The following TUFT1 variants were observed in gnomAD, a reference collection of about 807,000 sequenced individuals.
TUFT1 encodes the protein tuftelin.
A neutral mutation model predicts 57.8 loss-of-function variants in TUFT1; 43 were observed. The ratio of observed to expected loss-of-function variants is 0.74; its 90% CI spans 0.58 to 0.96. TUFT1 has a LOEUF of 0.96. TUFT1 is among the 40% of genes least tolerant of loss of function. The pLI, the probability that TUFT1 is intolerant of heterozygous loss-of-function variation, is 0.00. For synonymous variants in TUFT1, 166 were observed against 176.7 expected (o/e 0.94, Z 0.48); for missense variants, 459 against 489.0 (o/e 0.94, Z 0.58).
At chr1:151,559,196 C>T (rs1031204124) in intron 1 of TUFT1, among the ~76,000 whole-genome samples, 14 of 152,146 alleles carry the variant, frequency 9.2e-5, no homozygotes, top group African/African-American at 3.1e-4. Context: ...ATTTTCTTGA[C>T]CTAGATGTCA....
chr1:151,558,563 C>A (rs1219007455), intron 1 of TUFT1, among the ~76,000 whole-genome samples: 1 of 151,942 alleles, frequency 6.6e-6, no homozygotes, highest in Non-Finnish European at 1.5e-5. Flanking sequence ...TCAACTGACC[C>A]TCTTTCTCCT....
intron 6 of TUFT1, among the ~76,000 whole-genome samples, chr1:151,566,940 TGACA>T (rs1236713444): frequency 6.6e-6 from 1 of 152,166 alleles, no homozygotes; most frequent in Non-Finnish European, 1.5e-5. Context: ...ATTGACTGAC[TGACA>T]GAGTCTCACC....
At position 151,548,500 on chromosome 1, in the gene TUFT1, A is replaced by G. The variant is rs1665414720; in HGVS notation, c.60+8074A>G. ...GTATTTTTAGTAGAGATGGGGTTTC[A>G]TCCTGTTGGCCAGGATGATCTCAAT... On this transcript the variant is annotated intron_variant, in intron 1 of 12. Transcript: ENST00000368849. Among the ~76,000 whole-genome samples, 3 of 151,980 alleles carry G rather than the reference A, an allele frequency of 2.0e-5. No homozygotes were observed. The South Asian group carries it at 6.2e-4, about 31-fold the overall frequency.
At chr1:151,551,443 A>G (rs1475727049) in intron 1 of TUFT1, among the ~76,000 whole-genome samples, 1 of 152,222 alleles carries the variant, frequency 6.6e-6, no homozygotes, top group East Asian at 1.9e-4. Context: ...TTGTTACAAA[A>G]GAATGGGCTC....
intron 7 of TUFT1, among the ~76,000 whole-genome samples, chr1:151,572,995 T>C (rs1320445642): frequency 6.6e-6 from 1 of 152,186 alleles, no homozygotes; most frequent in Non-Finnish European, 1.5e-5. Flanking sequence ...GATGGTGAAG[T>C]ATCTGGGTGC....
chr1:151,545,799 T>C, intron 1 of TUFT1: 1 of 531,410 alleles, frequency 1.9e-6, no homozygotes, highest in Non-Finnish European at 3.9e-6. Flanking sequence ...GGTGAAGACC[T>C]GAGTAACCTT....
At chr1:151,543,009 T>C (rs1665214873) in intron 1 of TUFT1, among the ~76,000 whole-genome samples, 2 of 152,192 alleles carry the variant, frequency 1.3e-5, no homozygotes, top group South Asian at 4.1e-4. Context: ...ACAGTTGAAC[T>C]GATTAGAGAT....
intron 7 of TUFT1, 22 bp from the exon 8 acceptor site, chr1:151,574,248 A>G (rs180937435): frequency 1.4e-4 from 222 of 1,607,030 alleles, no homozygotes; most frequent in Admixed American, 2.4e-4. Flanking sequence ...ACCATTTAAC[A>G]TATTCCTGCT....
intron 1 of TUFT1, among the ~76,000 whole-genome samples, chr1:151,551,272 C>G (rs907117012): frequency 3.9e-5 from 6 of 152,194 alleles, no homozygotes; most frequent in African/African-American, 1.2e-4. Flanking sequence ...AACTGAAGAG[C>G]TGGAGTTTCT....
In TUFT1 at chr1:151,567,381, G is replaced by A. The variant is rs184598914; in HGVS notation, c.480+1153G>A. Reference sequence around the variant, plus strand: ...CTATAGTGGCTGGGACTATAGACACGTGCCACCACACCTGGCTAATTTTTG... The same window carrying A: ...CTATAGTGGCTGGGACTATAGACACATGCCACCACACCTGGCTAATTTTTG... On this transcript the variant is annotated intron_variant, in intron 6 of 12. Transcript: ENST00000368849. Among the ~76,000 whole-genome samples, 99 of 152,082 alleles carry A rather than the reference G, an allele frequency of 6.5e-4. 1 individual carries two copies. The East Asian group carries it at 0.016, about 24-fold the overall frequency.
intron 10 of TUFT1, among the ~76,000 whole-genome samples, chr1:151,579,291 G>A (rs1558016954): frequency 6.6e-6 from 1 of 152,158 alleles, no homozygotes; most frequent in Non-Finnish European, 1.5e-5. Flanking sequence ...CTCCATTAGT[G>A]TCTGTTTTAT....
chr1:151,579,438 C>G (rs1666577578), intron 10 of TUFT1, among the ~76,000 whole-genome samples: 1 of 152,150 alleles, frequency 6.6e-6, no homozygotes, highest in Non-Finnish European at 1.5e-5. Context: ...TTTGGATTCT[C>G]AGGGTGGTAT....
chr1:151,565,696 C>T (rs963623061), intron 5 of TUFT1, among the ~76,000 whole-genome samples: 6 of 152,144 alleles, frequency 3.9e-5, no homozygotes, highest in Non-Finnish European at 7.4e-5. Context: ...AAAGATCTTC[C>T]CTTTGTAATT....
At chr1:151,543,581 T>C (rs1032815064) in intron 1 of TUFT1, among the ~76,000 whole-genome samples, 1 of 152,102 alleles carries the variant, frequency 6.6e-6, no homozygotes, top group Non-Finnish European at 1.5e-5. Context: ...TAGAAGGAAA[T>C]AGAGCAGTTC....
chr1:151,546,318 A>G (rs1665338640), intron 1 of TUFT1, among the ~76,000 whole-genome samples: 1 of 152,178 alleles, frequency 6.6e-6, no homozygotes, highest in Non-Finnish European at 1.5e-5. Context: ...TTTAAATTAG[A>G]ATTGTGATTT....
chr1:151,568,006 A>AG, intron 6 of TUFT1, among the ~76,000 whole-genome samples: 1 of 152,258 alleles, frequency 6.6e-6, no homozygotes, highest in Non-Finnish European at 1.5e-5. Flanking sequence ...CCACAGTGAA[A>AG]TTTCATCTTT....
intron 11 of TUFT1, 41 bp from the exon 12 acceptor site, chr1:151,580,901 C>T (rs889335818): frequency 1.9e-6 from 3 of 1,594,324 alleles, no homozygotes; most frequent in East Asian, 2.2e-5. Context: ...ACCCGGGAAG[C>T]CAGAAAAAGG....
rs1161627651 is a variant in TUFT1, at chr1:151,560,188, C to T, written c.61-1903C>T. ...ATCCCAGCGCTTTGGGAGGCTGAGG[C>T]GGGAGGATCACAAAGTCAGGAGTTC... On this transcript the variant is annotated intron_variant, in intron 1 of 12. Coordinates refer to ENST00000368849, the MANE Select transcript of TUFT1 (RefSeq NM_020127.3). Among the ~76,000 whole-genome samples the T allele has an allele frequency of 8.7e-5, 13 of 150,054 alleles. No individual in the cohort carries two copies. The East Asian group carries it at 2.0e-3, about 24-fold the overall frequency.
intron 9 of TUFT1, among the ~76,000 whole-genome samples, chr1:151,576,934 T>G (rs1558015709): frequency 6.6e-6 from 1 of 152,122 alleles, no homozygotes; most frequent in Non-Finnish European, 1.5e-5. Context: ...CTACTTATTT[T>G]TTTAATTTAA....
Sources: gnomAD v4.1 joint callset for allele counts (sites outside exome capture counted in the v4.1 genomes callset) on GRCh38, gnomAD v4.1.1 for gene constraint, MANE v1.5 for transcripts, NCBI Gene and HGNC (gene_info 2026-07-23, HGNC 2026-07-21) for gene names.